The following HDAC9 variants were observed in gnomAD, a reference collection of about 807,000 sequenced individuals.
HDAC9 encodes the protein histone deacetylase 9, also known as MEF-2 interacting transcription repressor (MITR) protein.
Under a neutral mutation model 139.4 loss-of-function variants are expected in HDAC9, and 41 were observed. That is an observed-to-expected ratio of 0.29 (90% CI 0.23 to 0.38). HDAC9 has a LOEUF of 0.38. Ranked by LOEUF, HDAC9 falls within the 10% of genes least tolerant of loss-of-function variation. The probability of loss-of-function intolerance (pLI) is 1.00; values close to 1 mark genes in which losing one functional copy is unlikely to be tolerated. For missense variants in HDAC9, 1,147 were observed against 1,297.0 expected, an observed-to-expected ratio of 0.88 and a Z score of 1.78; for synonymous variants, 517 against 476.2, an observed-to-expected ratio of 1.09 and a Z score of -1.12.
chr7:18,803,903 TA>T (rs1022570660), intron 17 of HDAC9, among the ~76,000 whole-genome samples: 4 of 152,052 alleles, frequency 2.6e-5, no homozygotes, highest in African/African-American at 7.2e-5. Flanking sequence ...TTAATTTATT[TA>T]AAAAAAACAT....
At chr7:18,283,659 A>T (rs1007439489) in intron 2 of HDAC9, among the ~76,000 whole-genome samples, 1 of 152,178 alleles carries the variant, frequency 6.6e-6, no homozygotes, top group South Asian at 2.1e-4. Context: ...TTTGTTAAGC[A>T]TGTTGCATTA....
chr7:18,727,679 A>G lies in HDAC9; in HGVS notation c.1831A>G (p.Arg611Gly), dbSNP rs373980427. The change falls in exon 13 of 26, where the codon AGG becomes GGG. Residue 611 changes from arginine to glycine, a missense_variant. Arg to Gly is a moderately radical substitution (Grantham distance 125, BLOSUM62 -2). Transcript: ENST00000686413. ...ATTAGAGAAACACCGTCTCGTCTCCAGGACTCACTCTTCCCCTGCTGCCTC... is the reference window on the plus strand; with the variant it reads ...ATTAGAGAAACACCGTCTCGTCTCCGGGACTCACTCTTCCCCTGCTGCCTC... Reference protein sequence around the residue: ...DGLEKHRLVSRTHSSPAASVL... With the variant: ...DGLEKHRLVSGTHSSPAASVL... The G allele has an allele frequency of 3.8e-6, 6 of 1,588,832 alleles. No individual in the cohort carries two copies. Among genetic ancestry groups the G allele is most frequent in the Non-Finnish European group, 5.1e-6 (6 of 1,170,786 alleles).
chr7:18,839,801 C>T (rs553535519), intron 21 of HDAC9, among the ~76,000 whole-genome samples: 1 of 152,134 alleles, frequency 6.6e-6, no homozygotes, highest in Admixed American at 6.6e-5. Flanking sequence ...TGGTTTTATA[C>T]TCTCTACAGT....
chr7:18,132,085 C>T (rs1179110897), intron 1 of HDAC9, among the ~76,000 whole-genome samples: 1 of 152,128 alleles, frequency 6.6e-6, no homozygotes, highest in Non-Finnish European at 1.5e-5. Context: ...CTTCACACGC[C>T]TCTTTTTGAA....
At chr7:18,976,128 T>A (rs1272596916) in intron 25 of HDAC9, among the ~76,000 whole-genome samples, 175 bp downstream of exon 25, 1 of 152,244 alleles carries the variant, frequency 6.6e-6, no homozygotes, top group Non-Finnish European at 1.5e-5. Context: ...ATTCATTGCT[T>A]CATTCTTCAT....
intron 24 of HDAC9, among the ~76,000 whole-genome samples, chr7:18,975,190 C>G (rs897739224): frequency 6.6e-6 from 1 of 152,166 alleles, no homozygotes; most frequent in African/African-American, 2.4e-5. Flanking sequence ...ATCAGTATGA[C>G]ATATGGATGG....
chr7:18,128,197 G>C (rs1784791038), intron 1 of HDAC9, among the ~76,000 whole-genome samples: 1 of 152,028 alleles, frequency 6.6e-6, no homozygotes, highest in Non-Finnish European at 1.5e-5. Context: ...AAAAATCTCA[G>C]AGACTGGCTT....
At chr7:18,425,142 C>G (rs1317259551) in intron 1 of HDAC9, among the ~76,000 whole-genome samples, 1 of 152,114 alleles carries the variant, frequency 6.6e-6, no homozygotes, top group Non-Finnish European at 1.5e-5. Context: ...TGAACCTTGG[C>G]TTTTTCTGAA....
In HDAC9 at chr7:18,263,596, T is replaced by C. The variant is rs566072254; in HGVS notation, c.25+101247T>C. Among the ~76,000 whole-genome samples the C allele has an allele frequency of 2.8e-5, 4 of 143,184 alleles. No individual in the cohort carries two copies. The Admixed American group carries it at 3.0e-4, about 11-fold the overall frequency. The allele number at this position is 143,184 out of a possible 152,430, so 93.9% of individuals were successfully genotyped here. ...CCTGTGGACTCAGAATCTTGCTTGG[T>C]AAGAGTTTATAATTGACTTTTTTTT... On this transcript the variant is annotated intron_variant, in intron 2 of 12. Transcript: ENST00000417496.
chr7:18,458,909 C>T (rs1443351729), intron 1 of HDAC9: 7 of 1,526,266 alleles, frequency 4.6e-6, no homozygotes, highest in Middle Eastern at 3.4e-4. Context: ...CAGGTAGAAC[C>T]AGACCTTATC....
intron 16 of HDAC9, among the ~76,000 whole-genome samples, chr7:18,777,837 C>G (rs1790910604): frequency 6.6e-6 from 1 of 151,962 alleles, no homozygotes; most frequent in African/African-American, 2.4e-5. Flanking sequence ...AAAACATACC[C>G]TCCTGATTCT....
chr7:18,623,354 A>T (rs1040487923), intron 6 of HDAC9, among the ~76,000 whole-genome samples: 2 of 152,166 alleles, frequency 1.3e-5, no homozygotes, highest in African/African-American at 4.8e-5. Flanking sequence ...GGCTATTGTT[A>T]TGGTTATGGT....
chr7:18,662,359 G>A (rs533613050), intron 11 of HDAC9, among the ~76,000 whole-genome samples: 32 of 147,610 alleles, frequency 2.2e-4, no homozygotes, highest in African/African-American at 8.1e-4. Context: ...AGACAGTGAA[G>A]AGCGATAACT....
intron 1 of HDAC9, among the ~76,000 whole-genome samples, chr7:18,316,708 T>A (rs1160073785): frequency 1.3e-5 from 2 of 151,052 alleles, no homozygotes; most frequent in African/African-American, 2.4e-5. Flanking sequence ...TCTCAGCTAC[T>A]CAGGAAGCTG....
chr7:18,987,852 C>T (rs1363073720), intron 25 of HDAC9, among the ~76,000 whole-genome samples: 19 of 152,126 alleles, frequency 1.2e-4, no homozygotes, highest in Admixed American at 2.0e-4. Flanking sequence ...AGTTTATTGG[C>T]GTAGAGGTGT....
At chr7:18,911,016 A>G (rs1352927959) in intron 22 of HDAC9, among the ~76,000 whole-genome samples, 1 of 151,872 alleles carries the variant, frequency 6.6e-6, no homozygotes, top group Admixed American at 6.6e-5. Context: ...TAGTTTGAGA[A>G]GACTTGGTGT....
intron 22 of HDAC9, among the ~76,000 whole-genome samples, chr7:18,921,648 A>G (rs141889412): frequency 1.5e-3 from 227 of 152,308 alleles, no homozygotes; most frequent in Middle Eastern, 0.014. Flanking sequence ...AACTAGTTCA[A>G]TCATTGTGGA....
Position 18,998,438 on chromosome 7 carries a change from T to A in HDAC9, c.*2376T>A, listed in dbSNP as rs1475788011. 6.6e-6 allele frequency: 1 copy of A among 152,100 alleles called. No individual in the cohort carries two copies. Among genetic ancestry groups the A allele is most frequent in the African/African-American group, 2.4e-5 (1 of 41,384 alleles). 9.4% of individuals were successfully genotyped at this position (152,100 alleles called of 1,614,324 possible). On this transcript the variant is annotated 3_prime_UTR_variant, in exon 26 of 26. Coordinates refer to ENST00000686413, the MANE Select transcript of HDAC9 (RefSeq NM_178425.4). ...TACTCCCATATGACACCATACCCAA[T>A]TGGTTGCACTTAGAGTCTTTAAAAT...
intron 16 of HDAC9, among the ~76,000 whole-genome samples, chr7:18,778,086 C>T (rs1328950813): frequency 1.3e-5 from 2 of 151,798 alleles, no homozygotes; most frequent in Non-Finnish European, 2.9e-5. Flanking sequence ...GGGCCTGATT[C>T]CCAAGCTTTT....
Sources: allele counts gnomAD v4.1 joint callset (sites outside exome capture counted in the v4.1 genomes callset), GRCh38; gene constraint gnomAD v4.1.1; transcripts MANE v1.5; gene names NCBI Gene and HGNC (gene_info 2026-07-23, HGNC 2026-07-21).